Variants in NFIC observed in about 807,000 individuals in gnomAD.
NFIC encodes nuclear factor 1 C-type.
NFIC carries 12 observed loss-of-function variants against 54.4 expected under a neutral mutation model. The observed-to-expected ratio is 0.22, with a 90% CI of 0.14 to 0.36. NFIC has a LOEUF of 0.36. NFIC is among the 10% of genes least tolerant of loss of function. NFIC has a pLI of 1.00. For missense variants in NFIC, 575 were observed against 718.2 expected (o/e 0.80, Z 2.28); for synonymous variants, 322 against 319.2 (o/e 1.01, Z -0.09).
intron 1 of NFIC, among the ~76,000 whole-genome samples, chr19:3,360,165 G>T (rs2080791757): frequency 6.9e-6 from 1 of 145,860 alleles, no homozygotes; most frequent in Non-Finnish European, 1.5e-5. Context: ...CGGCCCGGGC[G>T]AGCGCGGCGC....
chr19:3,402,762 A>G (rs1453981636), intron 2 of NFIC, among the ~76,000 whole-genome samples: 1 of 152,216 alleles, frequency 6.6e-6, no homozygotes, highest in African/African-American at 2.4e-5. Context: ...AGAGAGAGCA[A>G]GCAGTTAGCT....
chr19:3,427,802 C>T (rs571691545), intron 3 of NFIC, among the ~76,000 whole-genome samples: 2 of 109,756 alleles, frequency 1.8e-5, no homozygotes, highest in African/African-American at 8.2e-5. Context: ...GGCGACACAG[C>T]GAGACTCTGT....
At position 3,448,070 on chromosome 19, in the gene NFIC, A is replaced by G. The variant is rs148221970; in HGVS notation, c.959-944A>G. ...CAGGCGTGAGCCCCTGCACCCGACT[A>G]TCCATCTGTTTTTTGTGTTTGTGAT... On this transcript the variant is annotated intron_variant, in intron 6 of 10. Transcript: ENST00000443272. Among the ~76,000 whole-genome samples, 819 of 150,944 alleles carry G rather than the reference A, an allele frequency of 5.4e-3. 1 individual carries two copies. Among genetic ancestry groups the G allele is most frequent in the Non-Finnish European group, 8.8e-3 (599 of 67,746 alleles).
At chr19:3,441,111 G>T (rs189658521) in intron 6 of NFIC, among the ~76,000 whole-genome samples, 319 of 152,282 alleles carry the variant, frequency 2.1e-3, no homozygotes, top group Non-Finnish European at 3.4e-3. Flanking sequence ...CACCCGGCTG[G>T]CCGCTTTTTC....
intron 1 of NFIC, among the ~76,000 whole-genome samples, chr19:3,361,268 C>G (rs2080807595): frequency 6.6e-6 from 1 of 152,156 alleles, no homozygotes; most frequent in African/African-American, 2.4e-5. Flanking sequence ...TTCCCCCTCC[C>G]TGAGAGGCCG....
Position 3,464,034 on chromosome 19 carries a change from C to T in NFIC, c.*1265C>T. 2 of 985,334 alleles carry T rather than the reference C, an allele frequency of 2.0e-6. No individual in the cohort carries two copies. The highest frequency in any genetic ancestry group is 2.4e-6 in the Non-Finnish European group (2 of 829,952). 61.0% of individuals were successfully genotyped at this position (985,334 alleles called of 1,614,324 possible). A position where few individuals can be genotyped will look rare whatever the true frequency, so the allele number is the denominator to read the frequency against. On this transcript the variant is annotated 3_prime_UTR_variant, in exon 11 of 11. Transcript: ENST00000443272. ...TGGGCGTCACTTCGCAAGCGTCCTG[C>T]CCTGCCGGGGCGCGGGGGTGGGCTC...
chr19:3,360,848 G>T (rs771435104), intron 1 of NFIC, among the ~76,000 whole-genome samples: 100 of 152,330 alleles, frequency 6.6e-4, no homozygotes, highest in Non-Finnish European at 1.2e-3. Flanking sequence ...CGGTTGGGGG[G>T]GGTCGCCAGG....
rs1490829385 is a variant in NFIC, at chr19:3,465,331, A to G, written c.*2562A>G. ...GTTCTGCTCGTGTAGTTTAAAAAAA[A>G]AAAGACAAAACAGTGACATGAAATA... is the stretch of plus-strand genomic sequence containing the variant. On this transcript the variant is annotated 3_prime_UTR_variant, in exon 11 of 11. Coordinates refer to ENST00000443272, the MANE Select transcript of NFIC (RefSeq NM_001245002.2). 1.3e-5 allele frequency: 2 copies of G among 151,132 alleles called. No individual in the cohort carries two copies. Among genetic ancestry groups the G allele is most frequent in the East Asian group, 1.9e-4 (1 of 5,180 alleles). The allele number at this position is 151,132 out of a possible 1,614,324, so 9.4% of individuals were successfully genotyped here.
chr19:3,381,589 G>C, intron 1 of NFIC, 123 bp from the exon 2 acceptor site: 1 of 1,404,564 alleles, frequency 7.1e-7, no homozygotes, highest in South Asian at 1.5e-5. Context: ...GCCCACCTCT[G>C]CCCAGCCCCT....
chr19:3,451,225 T>A (rs1190015608), intron 7 of NFIC, among the ~76,000 whole-genome samples: 2 of 152,064 alleles, frequency 1.3e-5, no homozygotes, highest in Non-Finnish European at 2.9e-5. Context: ...GTGATCTCAT[T>A]TCTATGAAAT....
In NFIC at chr19:3,370,098, G is replaced by A. The variant is rs1174418721; in HGVS notation, c.30+3432G>A. Among the ~76,000 whole-genome samples, 2 of 152,282 alleles carry A rather than the reference G, an allele frequency of 1.3e-5. No homozygotes were observed. The highest frequency in any genetic ancestry group is 1.9e-4 in the East Asian group (1 of 5,166). Reference sequence around the variant, plus strand: ...GGCCCAGGCCCAGTGTAGGTTCTTAGAGGGAGCTTGGGGGGTGCCTACCAG... The same window carrying A: ...GGCCCAGGCCCAGTGTAGGTTCTTAAAGGGAGCTTGGGGGGTGCCTACCAG... On this transcript the variant is annotated intron_variant, in intron 1 of 10. Transcript: ENST00000443272. The surrounding 1 kb of genome is among the most constrained non-coding windows in gnomAD (Gnocchi z 5.2).
rs1009987540 is a variant in NFIC at position 3,467,492 on chromosome 19, G to C, written c.*4723G>C. 6.6e-6 allele frequency: 1 copy of C among 151,550 alleles called. No individual in the cohort carries two copies. Among genetic ancestry groups the C allele is most frequent in the African/African-American group, 2.4e-5 (1 of 41,154 alleles). 9.4% of individuals were successfully genotyped at this position (151,550 alleles called of 1,614,324 possible). A position where few individuals can be genotyped will look rare whatever the true frequency, so the allele number is the denominator to read the frequency against. ...CCCAAAGGAATGCCAAAGGGGACTC[G>C]GTTGGGAGAGCCGCTTAGGGGCCAG... On this transcript the variant is annotated 3_prime_UTR_variant, in exon 11 of 11. Transcript: ENST00000443272.
At position 3,381,859 on chromosome 19, in the gene NFIC, G is replaced by C; in HGVS notation, c.178G>C (p.Glu60Gln). 3 of 1,614,008 alleles carry C rather than the reference G, an allele frequency of 1.9e-6. No individual in the cohort carries two copies. The highest frequency in any genetic ancestry group is 1.1e-5 in the South Asian group (1 of 91,090). Residue 60 changes from glutamate to glutamine, a missense_variant, in exon 2 of 11, where the codon GAG becomes CAG. Glu to Gln is a conservative substitution (Grantham distance 29, BLOSUM62 2). Around this residue, in one of 3 missense-constraint regions of NFIC, gnomAD observed 122 missense variants for 158.0 expected, o/e 0.77. Transcript: ENST00000443272. ...SKDEERAVKD[E>Q]LLGEKPEVKQ... The stretch of plus-strand genomic sequence containing the variant: ...GGACGAGGAGCGTGCGGTCAAGGAC[G>C]AGCTGCTGGGCGAGAAGCCCGAGGT...
intron 10 of NFIC, 160 bp downstream of exon 10, chr19:3,456,795 C>T (rs948672899): frequency 1.4e-6 from 1 of 717,700 alleles, no homozygotes; most frequent in Non-Finnish European, 2.3e-6. Flanking sequence ...CCCCACCTGG[C>T]CTCTCCCTGA....
At position 3,463,500 on chromosome 19, in the gene NFIC, C is replaced by T. The variant is rs1337313355; in HGVS notation, c.*731C>T. 2 of 985,212 alleles carry T rather than the reference C, an allele frequency of 2.0e-6. No homozygotes were observed. 61.0% of individuals were successfully genotyped at this position (985,212 alleles called of 1,614,324 possible). On this transcript the variant is annotated 3_prime_UTR_variant, in exon 11 of 11. Transcript: ENST00000443272. ...CTGCCCCTCGAGGGGGCCCTGCCTGCCGCGGGGCCTCCCCACAAGCCCCTC... is the reference window on the plus strand; with the variant it reads ...CTGCCCCTCGAGGGGGCCCTGCCTGTCGCGGGGCCTCCCCACAAGCCCCTC...
At chr19:3,425,918 C>CTTTTTTTTTTTT (rs869165549) in intron 3 of NFIC, among the ~76,000 whole-genome samples, 1 of 54,488 alleles carries the variant, frequency 1.8e-5, no homozygotes, top group Non-Finnish European at 3.1e-5. Flanking sequence ...CCATGCCTGG[C>CTTTTTTTTTTTT]TTTTTTTTTT....
chr19:3,452,703 G>C lies in NFIC; in HGVS notation c.1269+37G>C, dbSNP rs369747365. On this transcript the variant is annotated intron_variant, in intron 8 of 10. Coordinates refer to ENST00000443272, the MANE Select transcript of NFIC (RefSeq NM_001245002.2). The surrounding 1 kb of genome is among the most constrained non-coding windows in gnomAD (Gnocchi z 5.3). ...GGGGCGCATTCGGGCCTCTCCTGGCGGCTCCAGGTGACCTCCCGGGGGCCA... is the reference window on the plus strand; with the variant it reads ...GGGGCGCATTCGGGCCTCTCCTGGCCGCTCCAGGTGACCTCCCGGGGGCCA... 4 of 1,549,336 alleles carry C rather than the reference G, an allele frequency of 2.6e-6. No individual in the cohort carries two copies. The African/African-American group carries it at 5.5e-5, about 21-fold the overall frequency.
At chr19:3,409,372 A>G (rs2081711544) in intron 2 of NFIC, among the ~76,000 whole-genome samples, 1 of 151,766 alleles carries the variant, frequency 6.6e-6, no homozygotes, top group Admixed American at 6.6e-5. Context: ...CCTCCCTCCA[A>G]CGCCGCCCCC....
chr19:3,464,286 T>G lies in NFIC; in HGVS notation c.*1517T>G, dbSNP rs1025541075. 41 of 985,098 alleles carry G rather than the reference T, an allele frequency of 4.2e-5. 1 individual carries two copies. The Admixed American group carries it at 9.8e-4, about 24-fold the overall frequency. 61.0% of individuals were successfully genotyped at this position (985,098 alleles called of 1,614,324 possible). ...GGAACGGGGAGGGTTTTCGGGGGGT[T>G]CGGCGTCGCACCTTGGGGCCCCCCG... On this transcript the variant is annotated 3_prime_UTR_variant, in exon 11 of 11. Transcript: ENST00000443272.
Sources: allele counts gnomAD v4.1 joint callset (sites outside exome capture counted in the v4.1 genomes callset), GRCh38; gene constraint gnomAD v4.1.1; regional missense constraint gnomAD v4.1.1; non-coding constraint Gnocchi (gnomAD v3.1); transcripts MANE v1.5; gene names NCBI Gene and HGNC (gene_info 2026-07-23, HGNC 2026-07-21).